IGF1: variants seen among roughly 807,000 people sequenced by gnomAD.
IGF1 encodes the protein insulin-like growth factor 1.
Under a neutral mutation model 13.8 loss-of-function variants are expected in IGF1, and 4 were observed. The observed-to-expected ratio is 0.29, with a 90% CI of 0.14 to 0.66. The LOEUF (loss-of-function observed/expected upper bound fraction) is 0.66. IGF1 is among the 30% of genes least tolerant of loss of function. IGF1 has a pLI of 0.78. For missense variants in IGF1, 124 were observed against 188.5 expected, an observed-to-expected ratio of 0.66 and a Z score of 2.00; for synonymous variants, 76 against 72.6, an observed-to-expected ratio of 1.05 and a Z score of -0.23.
At chr12:102,403,467 T>C (rs1289096541) in intron 3 of IGF1, among the ~76,000 whole-genome samples, 2 of 151,840 alleles carry the variant, frequency 1.3e-5, no homozygotes, top group East Asian at 3.9e-4. Flanking sequence ...GTGAGGGTTT[T>C]TTTTTTTTGG....
chr12:102,406,980 G>C lies in IGF1; in HGVS notation c.403-4414C>G, dbSNP rs1472022235. Among the ~76,000 whole-genome samples the C allele has an allele frequency of 3.3e-5, 5 of 151,776 alleles. No homozygotes were observed. In the East Asian group the frequency reaches 9.7e-4, roughly 29 times the overall value. ...GTGGTGGCGTGTGCCTGTAGTTTCA[G>C]CTACTCAGGAGGCTGAGGCAGGAAA... is the stretch of plus-strand genomic sequence containing the variant. On this transcript the variant is annotated intron_variant, in intron 3 of 3. Transcript: ENST00000337514.
chr12:102,428,561 C>T (rs532463859), intron 2 of IGF1, among the ~76,000 whole-genome samples: 4 of 151,978 alleles, frequency 2.6e-5, no homozygotes, highest in African/African-American at 2.4e-5. Context: ...TTTTGAAAAC[C>T]GGAGTCCTAA....
At chr12:102,467,060 ACAGGTAAT>A (rs1340827119) in intron 2 of IGF1, among the ~76,000 whole-genome samples, 1 of 152,188 alleles carries the variant, frequency 6.6e-6, no homozygotes, top group Admixed American at 6.5e-5. Context: ...CCCCAGTTTT[ACAGGTAAT>A]CAGGAGTTGG....
At chr12:102,441,655 T>G (rs553151963) in intron 2 of IGF1, among the ~76,000 whole-genome samples, 1 of 152,298 alleles carries the variant, frequency 6.6e-6, no homozygotes, top group African/African-American at 2.4e-5. Flanking sequence ...GGTTATTTTA[T>G]GTAGATATTG....
chr12:102,398,588 A>G lies in IGF1; in HGVS notation c.*3919T>C, dbSNP rs1873419396. 6.6e-6 allele frequency: 1 copy of G among 152,138 alleles called. No homozygotes were observed. Among genetic ancestry groups the G allele is most frequent in the Non-Finnish European group, 1.5e-5 (1 of 68,018 alleles). 9.4% of individuals were successfully genotyped at this position (152,138 alleles called of 1,614,324 possible). ...AGTTTGAGAGCCAACAAAACAATGG[A>G]GCCTTCTAACTTTAAAAAATTTCCA... On this transcript the variant is annotated 3_prime_UTR_variant, in exon 4 of 4. Coordinates refer to ENST00000337514, the MANE Select transcript of IGF1 (RefSeq NM_000618.5).
intron 2 of IGF1, among the ~76,000 whole-genome samples, chr12:102,464,629 G>A (rs145118204): frequency 1.3e-5 from 2 of 151,880 alleles, no homozygotes; most frequent in South Asian, 4.2e-4. Flanking sequence ...ATCAAATGTT[G>A]TGTCTCTGGG....
chr12:102,432,695 A>G (rs1876844621), intron 2 of IGF1, among the ~76,000 whole-genome samples: 1 of 152,218 alleles, frequency 6.6e-6, no homozygotes, highest in Non-Finnish European at 1.5e-5. Context: ...TTGGCATCCA[A>G]AGGTTTTCTA....
intron 2 of IGF1, among the ~76,000 whole-genome samples, chr12:102,471,384 C>G (rs1880675958): frequency 6.6e-6 from 1 of 152,096 alleles, no homozygotes. Context: ...AAATGCCTGC[C>G]AAACTCCTAC....
chr12:102,450,434 G>A (rs922580666), intron 2 of IGF1, among the ~76,000 whole-genome samples: 1 of 152,232 alleles, frequency 6.6e-6, no homozygotes, highest in Non-Finnish European at 1.5e-5. Flanking sequence ...TCTCTGCCAC[G>A]AATGGAAACA....
At chr12:102,431,587 T>G (rs879711529) in intron 2 of IGF1, among the ~76,000 whole-genome samples, 9 of 152,180 alleles carry the variant, frequency 5.9e-5, no homozygotes, top group Non-Finnish European at 1.3e-4. Context: ...ACCTAAATCA[T>G]ACATCTAGTA....
chr12:102,471,789 T>A (rs2137254240), intron 2 of IGF1, among the ~76,000 whole-genome samples: 1 of 152,334 alleles, frequency 6.6e-6, no homozygotes. Flanking sequence ...AGAAACTCTC[T>A]TTCTTTCAGT....
At chr12:102,411,987 A>C (rs995030788) in intron 3 of IGF1, among the ~76,000 whole-genome samples, 3 of 152,202 alleles carry the variant, frequency 2.0e-5, no homozygotes, top group African/African-American at 7.2e-5. Flanking sequence ...TTTGGTTGTA[A>C]TGGGTCAATA....
chr12:102,456,664 A>G (rs1430145398), intron 2 of IGF1, among the ~76,000 whole-genome samples: 1 of 152,176 alleles, frequency 6.6e-6, no homozygotes, highest in Non-Finnish European at 1.5e-5. Context: ...CTGCTGCCCG[A>G]GAGATGTATT....
At chr12:102,422,918 G>C (rs1471983818) in intron 2 of IGF1, among the ~76,000 whole-genome samples, 1 of 152,118 alleles carries the variant, frequency 6.6e-6, no homozygotes, top group African/African-American at 2.4e-5. Flanking sequence ...ATTTACAAGT[G>C]TTACATATGG....
intron 2 of IGF1, among the ~76,000 whole-genome samples, chr12:102,449,070 A>C (rs1169423356): frequency 6.6e-6 from 1 of 152,216 alleles, no homozygotes; most frequent in African/African-American, 2.4e-5. Flanking sequence ...AGGATTATAA[A>C]TTATTCTACT....
intron 2 of IGF1, among the ~76,000 whole-genome samples, chr12:102,427,780 G>T (rs1208666330): frequency 6.6e-6 from 1 of 152,180 alleles, no homozygotes; most frequent in African/African-American, 2.4e-5. Context: ...TGGCACTGTC[G>T]CAGAGAAGGG....
intron 2 of IGF1, among the ~76,000 whole-genome samples, chr12:102,461,212 T>C (rs1879871831): frequency 6.6e-6 from 1 of 152,176 alleles, no homozygotes; most frequent in Non-Finnish European, 1.5e-5. Flanking sequence ...TGTGGGACAA[T>C]GTCCCTTTGA....
intron 3 of IGF1, among the ~76,000 whole-genome samples, chr12:102,408,507 G>C (rs1209144067): frequency 1.3e-5 from 2 of 152,176 alleles, no homozygotes; most frequent in Non-Finnish European, 2.9e-5. Flanking sequence ...TTCTTTAACA[G>C]AGTGAGGGAT....
rs894780775 is a variant in IGF1 at position 102,450,573 on chromosome 12, C to T, written c.220+25070G>A. ...TTCGCCTTCCATCTGAAGGCTAAGG[C>T]CTTCATCATCTAATCTGGAGATGAT... On this transcript the variant is annotated intron_variant, in intron 2 of 3. Coordinates refer to ENST00000337514, the MANE Select transcript of IGF1 (RefSeq NM_000618.5). Among the ~76,000 whole-genome samples, 5 of 152,176 alleles carry T rather than the reference C, an allele frequency of 3.3e-5. 1 individual carries two copies. Among genetic ancestry groups the T allele is most frequent in the Non-Finnish European group, 2.9e-5 (2 of 68,036 alleles).
Sources: allele counts gnomAD v4.1 joint callset (sites outside exome capture counted in the v4.1 genomes callset), GRCh38; gene constraint gnomAD v4.1.1; transcripts MANE v1.5; gene names NCBI Gene and HGNC (gene_info 2026-07-23, HGNC 2026-07-21).